The following ARPC3 variants were observed in gnomAD, a reference collection of about 807,000 sequenced individuals.
ARPC3 encodes the protein actin related protein 2/3 complex subunit 3, also known as actin-related protein 2/3 complex subunit 3.
A neutral mutation model predicts 27.6 loss-of-function variants in ARPC3; 12 were observed. That is an observed-to-expected ratio of 0.43 (90% CI 0.28 to 0.70). ARPC3 has a LOEUF of 0.70. Among genes scored for constraint, ARPC3 ranks in the 30% least tolerant of loss-of-function variants. The probability of loss-of-function intolerance (pLI) is 0.17; values close to 1 mark genes in which losing one functional copy is unlikely to be tolerated. For missense variants in ARPC3, 153 were observed against 207.7 expected, an observed-to-expected ratio of 0.74 and a Z score of 1.62; for synonymous variants, 53 against 67.2, an observed-to-expected ratio of 0.79 and a Z score of 1.03.
Position 110,437,084 on chromosome 12 carries a change from CT to C in ARPC3, c.251del (p.Lys84SerfsTer45). 6.3e-7 allele frequency: 1 copy of C among 1,587,394 alleles called. No homozygotes were observed. The highest frequency in any genetic ancestry group is 8.7e-7 in the Non-Finnish European group (1 of 1,155,930). ...YISECLKKLQKCNSKSQGEKE... is the reference protein window; with the variant it reads ...YISECLKKLQXCNSKSQGEKE... ...TATACAATCATCCAAGTTTAATTACCTTTTGCAGTTTCTTCAGACATTCAGA... is the reference window on the plus strand; with the variant it reads ...TATACAATCATCCAAGTTTAATTACCTTTGCAGTTTCTTCAGACATTCAGA... On this transcript the variant is annotated frameshift_variant and splice_region_variant, in exon 4 of 7. Coordinates refer to ENST00000228825, the MANE Select transcript of ARPC3 (RefSeq NM_001278556.2). LOFTEE classifies it high-confidence loss of function.
intron 1 of ARPC3, among the ~76,000 whole-genome samples, chr12:110,448,790 G>C (rs201533437): frequency 0.017 from 1,536 of 93,088 alleles, 266 homozygotes; most frequent in African/African-American, 0.066. Flanking sequence ...GGGGGGGGGG[G>C]GGTGGTGGTA....
chr12:110,437,664 G>A (rs962555027), intron 3 of ARPC3, among the ~76,000 whole-genome samples: 4 of 152,012 alleles, frequency 2.6e-5, no homozygotes, highest in South Asian at 2.1e-4. Context: ...CACCACGCTC[G>A]GCTGAGTGGC....
intron 6 of ARPC3, 142 bp downstream of exon 6, chr12:110,435,968 T>C (rs2138032818): frequency 1.3e-6 from 1 of 772,320 alleles, no homozygotes; most frequent in Non-Finnish European, 2.3e-6. Flanking sequence ...TCATATTACA[T>C]ACTAGACATA....
intron 3 of ARPC3, among the ~76,000 whole-genome samples, chr12:110,439,638 TCCTG>T (rs1207373521): frequency 6.6e-6 from 1 of 152,092 alleles, no homozygotes. Context: ...CGAGACACCA[TCCTG>T]CCTAACATTG....
chr12:110,435,029 T>C lies in ARPC3; in HGVS notation c.*126A>G. The C allele has an allele frequency of 1.3e-6, 1 of 795,526 alleles. No individual in the cohort carries two copies. The highest frequency in any genetic ancestry group is 2.2e-6 in the Non-Finnish European group (1 of 455,636). The allele number at this position is 795,526 out of a possible 1,614,324, so 49.3% of individuals were successfully genotyped here. ...CCACCCAAATTCTTGATCAAGAGTTTTTCAAGTAAAGACATGCTCTTCTCT... is the reference window on the plus strand; with the variant it reads ...CCACCCAAATTCTTGATCAAGAGTTCTTCAAGTAAAGACATGCTCTTCTCT... On this transcript the variant is annotated 3_prime_UTR_variant, in exon 7 of 7. Coordinates refer to ENST00000228825, the MANE Select transcript of ARPC3 (RefSeq NM_001278556.2).
chr12:110,444,103 G>A (rs2062452122), intron 2 of ARPC3, among the ~76,000 whole-genome samples: 1 of 151,682 alleles, frequency 6.6e-6, no homozygotes, highest in African/African-American at 2.4e-5. Flanking sequence ...CCAAGTAGTT[G>A]GGATTACAGG....
intron 5 of ARPC3, 39 bp downstream of exon 5, chr12:110,436,518 T>A (rs755923087): frequency 2.5e-6 from 4 of 1,613,228 alleles, no homozygotes; most frequent in Non-Finnish European, 3.4e-6. Context: ...GGAGAAAATC[T>A]TCTTGTGTCA....
rs2062495450 is a variant in ARPC3 at position 110,450,313 on chromosome 12, G to A, written c.-53C>T. The A allele has an allele frequency of 1.9e-6, 3 of 1,613,136 alleles. No individual in the cohort carries two copies. The highest frequency in any genetic ancestry group is 2.2e-5 in the South Asian group (2 of 90,984). On this transcript the variant is annotated 5_prime_UTR_variant, in exon 1 of 7. Transcript: ENST00000228825. ...AGGAGCAGGATCCAGGTACAGCGGAGCGCTTCCGGTCTGGCAGCCTGGGCG... is the reference window on the plus strand; with the variant it reads ...AGGAGCAGGATCCAGGTACAGCGGAACGCTTCCGGTCTGGCAGCCTGGGCG...
intron 5 of ARPC3, 175 bp downstream of exon 5, chr12:110,436,382 C>T (rs537766698): frequency 4.9e-6 from 6 of 1,226,420 alleles, no homozygotes; most frequent in Admixed American, 2.2e-5. Context: ...AGATTTTCTG[C>T]ATGTCATCCT....
chr12:110,437,805 A>C (rs942933490), intron 3 of ARPC3, among the ~76,000 whole-genome samples: 1 of 152,176 alleles, frequency 6.6e-6, no homozygotes, highest in African/African-American at 2.4e-5. Context: ...TGGTTGGCTA[A>C]TTTTTAAAAA....
Position 110,434,911 on chromosome 12 carries a change from G to C in ARPC3, c.*244C>G. The C allele has an allele frequency of 1.5e-6, 1 of 664,766 alleles. No individual in the cohort carries two copies. The highest frequency in any genetic ancestry group is 2.8e-6 in the Non-Finnish European group (1 of 363,326). The allele number at this position is 664,766 out of a possible 1,614,324, so 41.2% of individuals were successfully genotyped here. On this transcript the variant is annotated 3_prime_UTR_variant, in exon 7 of 7. Transcript: ENST00000228825. ...AAAGTTTTTCTGACATGGAATGTTA[G>C]AAATTTCTTTATTATTACTTATTCT...
chr12:110,438,818 T>C (rs1287582437), intron 3 of ARPC3, among the ~76,000 whole-genome samples: 19 of 150,604 alleles, frequency 1.3e-4, no homozygotes, highest in Admixed American at 1.3e-3. Flanking sequence ...TAATTTTGTA[T>C]TTTTAGTAGA....
chr12:110,441,615 T>C (rs2062438069), intron 2 of ARPC3, among the ~76,000 whole-genome samples: 2 of 151,922 alleles, frequency 1.3e-5, no homozygotes, highest in Non-Finnish European at 2.9e-5. Flanking sequence ...ACCACAGACT[T>C]GAATTCCTGA....
intron 3 of ARPC3, among the ~76,000 whole-genome samples, chr12:110,438,639 A>C (rs2062418498): frequency 6.8e-6 from 1 of 147,602 alleles, no homozygotes. Context: ...AAACCACACC[A>C]TTTTCCTATA....
At chr12:110,447,887 T>C (rs1030174558) in intron 1 of ARPC3, among the ~76,000 whole-genome samples, 52 of 94,820 alleles carry the variant, frequency 5.5e-4, no homozygotes, top group African/African-American at 2.0e-3. Context: ...TTTAGAGTCC[T>C]TTTTTTTTTT....
At chr12:110,441,104 A>G (rs892431968) in intron 2 of ARPC3, among the ~76,000 whole-genome samples, 2 of 151,354 alleles carry the variant, frequency 1.3e-5, no homozygotes, top group Admixed American at 1.3e-4. Context: ...CGGCCTCCCA[A>G]CGTGCTGGGA....
chr12:110,449,555 C>G (rs576264422), intron 1 of ARPC3, among the ~76,000 whole-genome samples: 2 of 152,054 alleles, frequency 1.3e-5, no homozygotes, highest in East Asian at 3.9e-4. Flanking sequence ...GAACGAGACT[C>G]TCTCAAAAAA....
chr12:110,448,931 A>G (rs972787824), intron 1 of ARPC3, among the ~76,000 whole-genome samples: 1 of 151,428 alleles, frequency 6.6e-6, no homozygotes, highest in Non-Finnish European at 1.5e-5. Flanking sequence ...ACGCACCACC[A>G]CGCCTGGCTA....
chr12:110,438,412 A>T (rs571023633), intron 3 of ARPC3, among the ~76,000 whole-genome samples: 1 of 151,504 alleles, frequency 6.6e-6, no homozygotes, highest in East Asian at 2.0e-4. Context: ...ATCCTGGCCA[A>T]CGTGGTGAAA....
Sources: gnomAD v4.1 joint callset for allele counts (sites outside exome capture counted in the v4.1 genomes callset) on GRCh38, gnomAD v4.1.1 for gene constraint, MANE v1.5 for transcripts, NCBI Gene and HGNC (gene_info 2026-07-23, HGNC 2026-07-21) for gene names.